Variants in ING3 observed in about 807,000 individuals in gnomAD.
ING3 encodes the protein inhibitor of growth protein 3.
Under a neutral mutation model 64.8 loss-of-function variants are expected in ING3, and 6 were observed. That is an observed-to-expected ratio of 0.09 (90% CI 0.05 to 0.18). The LOEUF (loss-of-function observed/expected upper bound fraction) is 0.18, where lower values mean the gene tolerates loss of function less well. ING3 is among the 10% of genes least tolerant of loss of function. ING3 has a pLI of 1.00. For missense variants in ING3, 310 were observed against 489.7 expected (o/e 0.63, Z 3.46); for synonymous variants, 170 against 173.7 (o/e 0.98, Z 0.17).
Position 120,969,070 on chromosome 7 carries a change from T to C in ING3, c.774T>C (p.Asn258=), listed in dbSNP as rs769633520. The change falls in exon 9 of 12, where the codon AAT becomes AAC. Residue 258 remains asparagine (N), a synonymous_variant. Transcript: ENST00000315870. Reference sequence around the variant, plus strand: ...CCAGTTATGAAGCATTTAAGAATAATGACTTTCAGTTGGGAAAAGAATTTT... The same window carrying C: ...CCAGTTATGAAGCATTTAAGAATAACGACTTTCAGTTGGGAAAAGAATTTT... ...LKASYEAFKN[N]DFQLGKEFSM... The C allele has an allele frequency of 6.2e-6, 10 of 1,613,794 alleles. No homozygotes were observed. The Admixed American group carries it at 6.7e-5, about 11-fold the overall frequency.
At chr7:120,955,704 A>T in intron 4 of ING3, 80 bp downstream of exon 4, 1 of 930,474 alleles carries the variant, frequency 1.1e-6, no homozygotes. Flanking sequence ...GCTTAAATGT[A>T]GTAGGAAGAA....
At position 120,967,552 on chromosome 7, in the gene ING3, C is replaced by A. The variant is rs201298392; in HGVS notation, c.460C>A (p.His154Asn). ...VEKRKYNPTS[H>N]HTTTDHIPEK... The stretch of plus-strand genomic sequence containing the variant: ...AGAAAGGAAATATAATCCAACTTCT[C>A]ACCATACGACAACAGATCATATTCC... The change falls in exon 7 of 12, where the codon CAC becomes AAC. Residue 154 changes from histidine (H) to asparagine (N), a missense_variant. Physicochemically the swap from His to Asn is moderately conservative, Grantham distance 68 (BLOSUM62 1). This residue lies in a region of ING3 where 233 missense variants were observed against 289.4 expected (regional missense o/e 0.81). Coordinates refer to ENST00000315870, the MANE Select transcript of ING3 (RefSeq NM_019071.3). 251 of 1,570,406 alleles carry A rather than the reference C, an allele frequency of 1.6e-4. No individual in the cohort carries two copies. Among genetic ancestry groups the A allele is most frequent in the Non-Finnish European group, 2.0e-4 (229 of 1,148,368 alleles).
At position 120,950,842 on chromosome 7, in the gene ING3, G is replaced by A. The variant is rs1795746329; in HGVS notation, c.-55G>A. The A allele has an allele frequency of 6.4e-7, 1 of 1,573,020 alleles. No individual in the cohort carries two copies. The highest frequency in any genetic ancestry group is 1.1e-5 in the South Asian group (1 of 90,068). ...GAGGGGACAAAACTCCGGCGACAGCGAGTGACACAAATAAACCCCTGGACC... is the reference window on the plus strand; with the variant it reads ...GAGGGGACAAAACTCCGGCGACAGCAAGTGACACAAATAAACCCCTGGACC... On this transcript the variant is annotated 5_prime_UTR_variant, in exon 1 of 12. Coordinates refer to ENST00000315870, the MANE Select transcript of ING3 (RefSeq NM_019071.3).
At chr7:120,967,733 T>G in intron 7 of ING3, 85 bp downstream of exon 7, 1 of 1,395,084 alleles carries the variant, frequency 7.2e-7, no homozygotes, top group South Asian at 1.4e-5. Flanking sequence ...TAATGAATCA[T>G]ACAGTTTCTT....
In ING3 at chr7:120,966,657, A is replaced by G; in HGVS notation, c.396A>G (p.Pro132=). The change falls in exon 6 of 12, where the codon CCA becomes CCG. Residue 132 remains proline, a synonymous_variant. Transcript: ENST00000315870. ...TGGAATTAGACACTCCTTCACAGCC[A>G]GTGAACAATCACCATGCTCATTCAC... is the stretch of plus-strand genomic sequence containing the variant. ...RSLELDTPSQ[P]VNNHHAHSHT... is the part of the protein sequence containing the mutation. The G allele has an allele frequency of 6.2e-7, 1 of 1,613,762 alleles. No homozygotes were observed. Among genetic ancestry groups the G allele is most frequent in the Non-Finnish European group, 8.5e-7 (1 of 1,179,640 alleles).
chr7:120,963,696 ACCT>A (rs1260290435), intron 4 of ING3, among the ~76,000 whole-genome samples: 1 of 151,998 alleles, frequency 6.6e-6, no homozygotes, highest in Non-Finnish European at 1.5e-5. Context: ...CAAGCACATT[ACCT>A]CCTCTTCATA....
intron 1 of ING3, 83 bp from the exon 2 acceptor site, chr7:120,951,081 A>AC (rs1011819494): frequency 6.5e-5 from 100 of 1,544,598 alleles, no homozygotes; most frequent in Admixed American, 2.4e-4. Flanking sequence ...GGCCCCCTCG[A>AC]CCCCCCTGAC....
At chr7:120,971,008 C>G (rs1796063981) in intron 10 of ING3, 128 bp downstream of exon 10, 4 of 1,010,756 alleles carry the variant, frequency 4.0e-6, no homozygotes, top group Non-Finnish European at 5.7e-6. Context: ...TTTTCTCCCC[C>G]TTCTTACAAA....
intron 7 of ING3, 115 bp from the exon 8 acceptor site, chr7:120,967,819 A>G: frequency 8.0e-7 from 1 of 1,253,010 alleles, no homozygotes; most frequent in South Asian, 1.5e-5. Flanking sequence ...CTTAATGTAC[A>G]AGTGACATTA....
Position 120,966,660 on chromosome 7 carries a change from G to A in ING3, c.399G>A (p.Val133=). 1 of 1,613,790 alleles carries A rather than the reference G, an allele frequency of 6.2e-7. No individual in the cohort carries two copies. Among genetic ancestry groups the A allele is most frequent in the Non-Finnish European group, 8.5e-7 (1 of 1,179,696 alleles). Residue 133 remains valine (V), a synonymous_variant, in exon 6 of 12, where the codon GTG becomes GTA. Transcript: ENST00000315870. ...SLELDTPSQP[V]NNHHAHSHTP... is the part of the protein sequence containing the mutation. The stretch of plus-strand genomic sequence containing the variant: ...AATTAGACACTCCTTCACAGCCAGT[G>A]AACAATCACCATGCTCATTCACATA...
chr7:120,968,702 CTGGGTGCCTGG>C (rs754200701), intron 8 of ING3, among the ~76,000 whole-genome samples: 8 of 151,780 alleles, frequency 5.3e-5, no homozygotes, highest in Non-Finnish European at 5.9e-5. Flanking sequence ...AAAAAATTAG[CTGGGTGCCTGG>C]TGGGTGCCTG....
intron 4 of ING3, among the ~76,000 whole-genome samples, chr7:120,959,882 T>C (rs1795908005): frequency 6.6e-6 from 1 of 151,854 alleles, no homozygotes; most frequent in South Asian, 2.1e-4. Context: ...CCTGACCTCG[T>C]GATCCGCCCG....
intron 4 of ING3, among the ~76,000 whole-genome samples, chr7:120,963,390 G>C (rs142141713): frequency 6.6e-6 from 1 of 151,938 alleles, no homozygotes; most frequent in Non-Finnish European, 1.5e-5. Flanking sequence ...ACAAATAATA[G>C]GACAATATTA....
rs1241497127 is a variant in ING3 at position 120,976,634 on chromosome 7, T to TTATA, written c.*1790_*1791insTATA. 7.9e-5 allele frequency: 12 copies of TTATA among 152,170 alleles called. No individual in the cohort carries two copies. The highest frequency in any genetic ancestry group is 2.9e-4 in the African/African-American group (12 of 41,448). 9.4% of individuals were successfully genotyped at this position (152,170 alleles called of 1,614,324 possible). On this transcript the variant is annotated 3_prime_UTR_variant, in exon 12 of 12. Transcript: ENST00000315870. ...ACATGTATCATTTACATCCTCTATATATTATGACTATTCCAAACTCATTCA... is the reference window on the plus strand; with the variant it reads ...ACATGTATCATTTACATCCTCTATATTATAATTATGACTATTCCAAACTCATTCA...
Position 120,964,880 on chromosome 7 carries a change from A to C in ING3, c.364+42A>C, listed in dbSNP as rs373539216. ...GTTTTCCATCAATATTGGACAGTACATGTGCAAATCGCTGAGAAGACCTTG... is the reference window on the plus strand; with the variant it reads ...GTTTTCCATCAATATTGGACAGTACCTGTGCAAATCGCTGAGAAGACCTTG... On this transcript the variant is annotated intron_variant, in intron 5 of 11. Coordinates refer to ENST00000315870, the MANE Select transcript of ING3 (RefSeq NM_019071.3). The C allele has an allele frequency of 9.4e-6, 14 of 1,483,252 alleles. No homozygotes were observed. The African/African-American group carries it at 9.7e-5, about 10-fold the overall frequency. The allele number at this position is 1,483,252 out of a possible 1,614,324, so 91.9% of individuals were successfully genotyped here. A position where few individuals can be genotyped will look rare whatever the true frequency, so the allele number is the denominator to read the frequency against.
chr7:120,953,171 G>C, intron 2 of ING3, 133 bp from the exon 3 acceptor site: 1 of 521,048 alleles, frequency 1.9e-6, no homozygotes, highest in Non-Finnish European at 3.4e-6. Context: ...CACAATCAAA[G>C]CATAACATAT....
rs776728234 is a variant in ING3 at position 120,970,702 on chromosome 7, C to G, written c.923C>G (p.Ser308Cys). The change falls in exon 10 of 12, where the codon TCT (serine) becomes TGT (cysteine). Residue 308 changes from serine to cysteine, a missense_variant. Around this residue, in one of 3 missense-constraint regions of ING3, gnomAD observed 233 missense variants for 289.4 expected, o/e 0.81. Transcript: ENST00000315870. ...SGRKSKNNNK[S>C]SSQQSSSSSS... ...ATTTTTTTCAGAAACAACAACAAGT[C>G]TTCAAGCCAGCAGTCATCATCTTCC... The G allele has an allele frequency of 6.2e-7, 1 of 1,613,736 alleles. No individual in the cohort carries two copies. The highest frequency in any genetic ancestry group is 1.7e-5 in the Admixed American group (1 of 60,010).
chr7:120,951,050 G>A (rs1412258125), intron 1 of ING3, 114 bp from the exon 2 acceptor site: 8 of 1,510,284 alleles, frequency 5.3e-6, no homozygotes, highest in Non-Finnish European at 7.3e-6. Flanking sequence ...ACGGTAACTG[G>A]CAGCCTCGTT....
rs1158085723 is a variant in ING3, at chr7:120,976,946, A to T, written c.*2102A>T. The T allele has an allele frequency of 6.6e-6, 1 of 152,212 alleles. No individual in the cohort carries two copies. The highest frequency in any genetic ancestry group is 2.4e-5 in the African/African-American group (1 of 41,462). The allele number at this position is 152,212 out of a possible 1,614,324, so 9.4% of individuals were successfully genotyped here. ...CATATATAATGGGGCCAAACATGGA[A>T]CTACCTCATCAACCCCCCAAAAATG... On this transcript the variant is annotated 3_prime_UTR_variant, in exon 12 of 12. Transcript: ENST00000315870.
Sources: allele counts gnomAD v4.1 joint callset (sites outside exome capture counted in the v4.1 genomes callset), GRCh38; gene constraint gnomAD v4.1.1; regional missense constraint gnomAD v4.1.1; transcripts MANE v1.5; gene names NCBI Gene and HGNC (gene_info 2026-07-23, HGNC 2026-07-21).